Variants in RAB38 observed in about 807,000 individuals in gnomAD.
The protein encoded by RAB38 is ras-related protein Rab-38.
Under a neutral mutation model 18.4 loss-of-function variants are expected in RAB38, and 15 were observed. The observed-to-expected ratio is 0.82, with a 90% CI of 0.55 to 1.26. RAB38 has a LOEUF of 1.26. Ranked by LOEUF, RAB38 falls within the 50% of genes most tolerant of loss-of-function variation. The probability of loss-of-function intolerance (pLI) is 0.00; values close to 1 mark genes in which losing one functional copy is unlikely to be tolerated. For synonymous variants in RAB38, 101 were observed against 104.4 expected (o/e 0.97, Z 0.20); for missense variants, 294 against 267.4 (o/e 1.10, Z -0.69).
the RAB38 span, among the ~76,000 whole-genome samples, chr11:88,023,092 A>C: frequency 5.9e-5 from 9 of 152,134 alleles, no homozygotes; most frequent in African/African-American, 2.2e-4. Context: ...TCTGTACAAC[A>C]AACCCTGATG....
the RAB38 span, among the ~76,000 whole-genome samples, chr11:87,806,192 C>T: frequency 2.6e-5 from 4 of 152,108 alleles, no homozygotes; most frequent in African/African-American, 9.7e-5. Flanking sequence ...ATAGAGACTT[C>T]ATGATATGCA....
At chr11:87,930,942 G>C in the RAB38 span, among the ~76,000 whole-genome samples, 2 of 152,128 alleles carry the variant, frequency 1.3e-5, no homozygotes, top group Admixed American at 1.3e-4. Flanking sequence ...TTTGGTACCA[G>C]TACCATGCTG....
At chr11:88,033,752 G>C in the RAB38 span, among the ~76,000 whole-genome samples, 1 of 112,800 alleles carries the variant, frequency 8.9e-6, no homozygotes, top group Non-Finnish European at 1.7e-5. Flanking sequence ...TTTTGAGATG[G>C]AGTCTCGCTC....
the RAB38 span, among the ~76,000 whole-genome samples, chr11:88,052,933 T>TC: frequency 1.5e-4 from 4 of 26,856 alleles, no homozygotes; most frequent in Non-Finnish European, 2.0e-4. Flanking sequence ...TATATATATA[T>TC]ATATATATAT....
chr11:87,817,401 G>T, the RAB38 span: 1 of 152,072 alleles, frequency 6.6e-6, no homozygotes, highest in Non-Finnish European at 1.5e-5. Flanking sequence ...ATAGATTAAA[G>T]AAAGACTTAG....
At chr11:88,038,359 G>T in the RAB38 span, among the ~76,000 whole-genome samples, 1 of 152,080 alleles carries the variant, frequency 6.6e-6, no homozygotes, top group Non-Finnish European at 1.5e-5. Flanking sequence ...CATCGCAATT[G>T]CAATGTTGAT....
chr11:88,022,304 TA>T, the RAB38 span, among the ~76,000 whole-genome samples: 55 of 145,878 alleles, frequency 3.8e-4, 1 homozygote, highest in Admixed American at 1.7e-3. Context: ...ACTTTATGAT[TA>T]AAAAAAAACC....
chr11:87,942,872 A>G, the RAB38 span, among the ~76,000 whole-genome samples: 3 of 152,164 alleles, frequency 2.0e-5, no homozygotes, highest in Non-Finnish European at 4.4e-5. Flanking sequence ...AAGAATTTAT[A>G]TCCATTGAGC....
At chr11:87,855,199 T>C in the RAB38 span, among the ~76,000 whole-genome samples, 1 of 152,238 alleles carries the variant, frequency 6.6e-6, no homozygotes, top group African/African-American at 2.4e-5. Context: ...AAATTTATTT[T>C]CCTGCATTTC....
At chr11:87,930,391 C>A in the RAB38 span, among the ~76,000 whole-genome samples, 1 of 152,026 alleles carries the variant, frequency 6.6e-6, no homozygotes, top group African/African-American at 2.4e-5. Context: ...TCATATCCTT[C>A]GCCCACTGGT....
In RAB38 at chr11:88,128,267, T is replaced by C. The variant is rs919065723; in HGVS notation, c.484-14127A>G. Among the ~76,000 whole-genome samples the C allele has an allele frequency of 3.3e-5, 5 of 152,376 alleles. No homozygotes were observed. In the East Asian group the frequency reaches 7.7e-4, roughly 23 times the overall value. ...ATTTATACTCTCCCTTTTTTCCAGA[T>C]AGAATTGAAGGTGACTCCTGAGACT... On this transcript the variant is annotated intron_variant, in intron 2 of 2. Transcript: ENST00000243662.
At chr11:88,027,745 A>G in the RAB38 span, among the ~76,000 whole-genome samples, 3 of 152,340 alleles carry the variant, frequency 2.0e-5, no homozygotes, top group Admixed American at 1.3e-4. Context: ...GGAGCCCACC[A>G]CAGCTCAAGG....
chr11:87,926,512 TTTTGTTTGTTTG>T, the RAB38 span, among the ~76,000 whole-genome samples: 3 of 150,864 alleles, frequency 2.0e-5, no homozygotes, highest in Admixed American at 6.6e-5. Flanking sequence ...ATGGTGGTTT[TTTTGTTTGTTTG>T]TTTGTTTGTT....
At chr11:88,058,139 G>A in the RAB38 span, among the ~76,000 whole-genome samples, 6 of 152,164 alleles carry the variant, frequency 3.9e-5, no homozygotes, top group Non-Finnish European at 7.3e-5. Flanking sequence ...ATTAAAACCA[G>A]AGAATCATTT....
the RAB38 span, among the ~76,000 whole-genome samples, chr11:87,893,384 A>ATGTG: frequency 0.014 from 711 of 50,614 alleles, 4 homozygotes; most frequent in South Asian, 0.029. Flanking sequence ...ATATATATAT[A>ATGTG]TATATATTTT....
At chr11:88,151,022 A>G (rs556892935) in intron 1 of RAB38, among the ~76,000 whole-genome samples, 1 of 152,200 alleles carries the variant, frequency 6.6e-6, no homozygotes, top group South Asian at 2.1e-4. Flanking sequence ...AAAACACTAA[A>G]TAAGTTTTGT....
chr11:88,110,930 C>G (rs1258685779), downstream of RAB38, among the ~76,000 whole-genome samples: 1 of 151,976 alleles, frequency 6.6e-6, no homozygotes, highest in East Asian at 1.9e-4. Flanking sequence ...CACTTGAGGC[C>G]AGAAGTTCGA....
At chr11:87,821,246 C>T in the RAB38 span, among the ~76,000 whole-genome samples, 11 of 152,138 alleles carry the variant, frequency 7.2e-5, no homozygotes, top group South Asian at 6.2e-4. Flanking sequence ...TAGACTACTT[C>T]GAAAGTAGTA....
At chr11:88,048,363 C>T in the RAB38 span, among the ~76,000 whole-genome samples, 1 of 152,128 alleles carries the variant, frequency 6.6e-6, no homozygotes. Context: ...AGTCAAATCA[C>T]CCAAGCAGTT....
Sources: allele counts gnomAD v4.1 joint callset (sites outside exome capture counted in the v4.1 genomes callset), GRCh38; gene constraint gnomAD v4.1.1; transcripts MANE v1.5; gene names NCBI Gene and HGNC (gene_info 2026-07-23, HGNC 2026-07-21).